The following PTCD3 variants were observed in gnomAD, a reference collection of about 807,000 sequenced individuals.
The protein encoded by PTCD3 is small ribosomal subunit protein mS39.
A neutral mutation model predicts 101.9 loss-of-function variants in PTCD3; 89 were observed. The observed-to-expected ratio is 0.87, with a 90% confidence interval of 0.74 to 1.04. The LOEUF (loss-of-function observed/expected upper bound fraction) is 1.04, where lower values mean the gene tolerates loss of function less well. Among genes scored for constraint, PTCD3 ranks in the 50% least tolerant of loss-of-function variants. The pLI is 0.00. For synonymous variants in PTCD3, 296 were observed against 278.5 expected, an observed-to-expected ratio of 1.06 and a Z score of -0.63; for missense variants, 870 against 828.2, an observed-to-expected ratio of 1.05 and a Z score of -0.62.
chr2:86,110,786 G>A (rs1183023385), intron 3 of PTCD3, among the ~76,000 whole-genome samples: 1 of 152,166 alleles, frequency 6.6e-6, no homozygotes, highest in Non-Finnish European at 1.5e-5. Flanking sequence ...CAGTAGTCCC[G>A]AAAGCTGCAG....
intron 12 of PTCD3, among the ~76,000 whole-genome samples, chr2:86,126,836 T>C (rs1181813723): frequency 9.3e-5 from 13 of 139,778 alleles, no homozygotes; most frequent in Non-Finnish European, 1.5e-4. Context: ...AAACTTTGTC[T>C]CAAAAAAAAA....
At chr2:86,137,431 G>A (rs1375056459) in intron 23 of PTCD3, 38 bp from the exon 24 acceptor site, 1 of 1,612,236 alleles carries the variant, frequency 6.2e-7, no homozygotes, top group Non-Finnish European at 8.5e-7. Flanking sequence ...GCACCCAGTT[G>A]AATTGCAGTG....
intron 14 of PTCD3, among the ~76,000 whole-genome samples, chr2:86,129,681 G>C (rs1300733925): frequency 2.0e-5 from 3 of 152,102 alleles, no homozygotes; most frequent in Admixed American, 2.0e-4. Context: ...CCAAAAGAGA[G>C]AGCCTAAAAT....
In PTCD3 at chr2:86,125,775, A is replaced by G. The variant is rs1453884210; in HGVS notation, c.866-20A>G. On this transcript the variant is annotated intron_variant, in intron 11 of 23. Transcript: ENST00000254630. ...GGATTAATCTTCAACCCCAAATTTT[A>G]TCATTTTATTATTTTACAGCTGATG... 3 of 1,553,016 alleles carry G rather than the reference A, an allele frequency of 1.9e-6. No homozygotes were observed. Among genetic ancestry groups the G allele is most frequent in the East Asian group, 2.3e-5 (1 of 44,310 alleles).
intron 3 of PTCD3, chr2:86,110,863 C>T: frequency 4.2e-6 from 3 of 708,400 alleles, no homozygotes; most frequent in Middle Eastern, 2.4e-4. Context: ...GGATGGAAAT[C>T]ACTAGCCCTG....
At chr2:86,130,502 T>C (rs1674475581) in intron 14 of PTCD3, 146 bp from the exon 15 acceptor site, 1 of 1,263,130 alleles carries the variant, frequency 7.9e-7, no homozygotes. Flanking sequence ...GTGGTTCCTT[T>C]AGCAAGCATT....
rs1272338722 is a variant in PTCD3, at chr2:86,139,025, G to A, written c.*1466G>A. 1 of 152,204 alleles carries A rather than the reference G, an allele frequency of 6.6e-6. No individual in the cohort carries two copies. Among genetic ancestry groups the A allele is most frequent in the East Asian group, 1.9e-4 (1 of 5,198 alleles). 9.4% of individuals were successfully genotyped at this position (152,204 alleles called of 1,614,324 possible). A position where few individuals can be genotyped will look rare whatever the true frequency, so the allele number is the denominator to read the frequency against. On this transcript the variant is annotated 3_prime_UTR_variant, in exon 24 of 24. Transcript: ENST00000254630. ...GTAGATGGCCTATGAATTTGTAGTA[G>A]ACTTTCAAAATGAGTGATTTGTTAG...
chr2:86,108,458 G>A, intron 2 of PTCD3, 42 bp from the exon 3 acceptor site: 1 of 1,589,874 alleles, frequency 6.3e-7, no homozygotes, highest in Non-Finnish European at 8.5e-7. Context: ...GGATTCCATT[G>A]TAGTACTAGG....
At chr2:86,125,591 G>C in intron 11 of PTCD3, 76 bp downstream of exon 11, 2 of 1,434,658 alleles carry the variant, frequency 1.4e-6, no homozygotes, top group Non-Finnish European at 2.0e-6. Context: ...TTTGGATCGT[G>C]CCTCAGTCAT....
chr2:86,120,939 C>T (rs115721265), intron 7 of PTCD3, among the ~76,000 whole-genome samples: 1 of 152,276 alleles, frequency 6.6e-6, no homozygotes, highest in African/African-American at 2.4e-5. Flanking sequence ...CAGATTATAT[C>T]TCATACTTGT....
intron 9 of PTCD3, among the ~76,000 whole-genome samples, chr2:86,124,672 A>G (rs1342745255): frequency 1.3e-5 from 2 of 152,222 alleles, no homozygotes; most frequent in Non-Finnish European, 2.9e-5. Context: ...AAGAAAGGTG[A>G]GGAAACTTTA....
intron 23 of PTCD3, 64 bp downstream of exon 23, chr2:86,137,204 A>G: frequency 6.8e-7 from 1 of 1,480,418 alleles, no homozygotes; most frequent in Non-Finnish European, 9.1e-7. Context: ...GCCCATTCAA[A>G]ATGTTCATAG....
intron 3 of PTCD3, chr2:86,110,907 A>G (rs1674065846): frequency 1.4e-6 from 1 of 737,950 alleles, no homozygotes; most frequent in Non-Finnish European, 2.5e-6. Context: ...CAGAGAGGAC[A>G]GGCAAAGAGA....
intron 2 of PTCD3, 21 bp downstream of exon 2, chr2:86,108,423 A>T: frequency 6.3e-7 from 1 of 1,597,058 alleles, no homozygotes; most frequent in Non-Finnish European, 8.5e-7. Flanking sequence ...AAATATATTG[A>T]ATTCTATTTT....
At position 86,137,775 on chromosome 2, in the gene PTCD3, T is replaced by A; in HGVS notation, c.*216T>A. On this transcript the variant is annotated 3_prime_UTR_variant, in exon 24 of 24. Coordinates refer to ENST00000254630, the MANE Select transcript of PTCD3 (RefSeq NM_017952.6). ...ATCTATTAATGCACCATTAAAGGCT[T>A]AGCATTTAAGTAGCAACATTGCGGT... 1.8e-6 allele frequency: 1 copy of A among 553,286 alleles called. No homozygotes were observed. The highest frequency in any genetic ancestry group is 3.0e-6 in the Non-Finnish European group (1 of 328,370). The allele number at this position is 553,286 out of a possible 1,614,324, so 34.3% of individuals were successfully genotyped here.
intron 9 of PTCD3, 43 bp from the exon 10 acceptor site, chr2:86,124,952 T>C (rs1418396953): frequency 1.9e-6 from 3 of 1,606,558 alleles, no homozygotes; most frequent in Admixed American, 3.4e-5. Context: ...CTCTCATTGG[T>C]ATTTCTTATT....
chr2:86,129,237 T>C (rs560566112), intron 14 of PTCD3, among the ~76,000 whole-genome samples: 2 of 152,328 alleles, frequency 1.3e-5, no homozygotes, highest in East Asian at 3.9e-4. Flanking sequence ...CCTCTGTAAC[T>C]CTCATCACTG....
At position 86,116,561 on chromosome 2, in the gene PTCD3, A is replaced by G. The variant is rs1366823799; in HGVS notation, c.272A>G (p.Asp91Gly). 1.2e-6 allele frequency: 2 copies of G among 1,610,804 alleles called. No homozygotes were observed. The highest frequency in any genetic ancestry group is 1.3e-5 in the African/African-American group (1 of 74,980). ...ACAGCTGTGCCTTATGTGTTTCAAG[A>G]TGATCCTTACCTTATGCCAGCATCA... ...DTTAVPYVFQ[D>G]DPYLMPASSL... is the part of the protein sequence containing the mutation. The change falls in exon 5 of 24, where the codon GAT becomes GGT. Residue 91 changes from aspartate to glycine, a missense_variant. By Grantham distance (94) the Asp-to-Gly change is moderately conservative (BLOSUM62 -1). Coordinates refer to ENST00000254630, the MANE Select transcript of PTCD3 (RefSeq NM_017952.6).
chr2:86,126,293 G>T (rs1389315663), intron 12 of PTCD3, among the ~76,000 whole-genome samples: 1 of 151,558 alleles, frequency 6.6e-6, no homozygotes, highest in Non-Finnish European at 1.5e-5. Flanking sequence ...ATGAGCATGT[G>T]TATGGCAGTC....
Sources: gnomAD v4.1 joint callset for allele counts (sites outside exome capture counted in the v4.1 genomes callset) on GRCh38, gnomAD v4.1.1 for gene constraint, MANE v1.5 for transcripts, NCBI Gene and HGNC (gene_info 2026-07-23, HGNC 2026-07-21) for gene names.